SPOP: variants seen among roughly 807,000 people sequenced by gnomAD.
The protein encoded by SPOP is speckle type BTB/POZ protein, also known as speckle-type POZ protein.
Under a neutral mutation model 45.6 loss-of-function variants are expected in SPOP, and 11 were observed. That is an observed-to-expected ratio of 0.24 (90% CI 0.15 to 0.40). SPOP has a LOEUF of 0.40. SPOP is among the 10% of genes least tolerant of loss of function. SPOP has a pLI of 1.00. For synonymous variants in SPOP, 166 were observed against 166.3 expected (o/e 1.00, Z 0.01); for missense variants, 152 against 465.6 (o/e 0.33, Z 6.20).
chr17:49,602,219 A>C, intron 8 of SPOP: 1 of 503,828 alleles, frequency 2.0e-6, no homozygotes, highest in Non-Finnish European at 3.3e-6. Flanking sequence ...AGTAACTTGG[A>C]AAGCTGCCAT....
intron 1 of SPOP, among the ~76,000 whole-genome samples, chr17:49,656,790 A>G (rs1244193850): frequency 1.3e-5 from 2 of 152,170 alleles, no homozygotes; most frequent in Non-Finnish European, 1.5e-5. Context: ...GTTTTTCCCT[A>G]TTCCAAAATT....
rs1480189223 is a variant in SPOP at position 49,600,160 on chromosome 17, C to G, written c.*218G>C. The G allele has an allele frequency of 1.6e-6, 1 of 638,936 alleles. No homozygotes were observed. The highest frequency in any genetic ancestry group is 2.7e-6 in the Non-Finnish European group (1 of 371,216). The allele number at this position is 638,936 out of a possible 1,614,324, so 39.6% of individuals were successfully genotyped here. A position where few individuals can be genotyped will look rare whatever the true frequency, so the allele number is the denominator to read the frequency against. ...TCAAACTCAGCCAGGCCAAAGGGAA[C>G]ACAGTGACGCAGCAACAGGGTTTTC... On this transcript the variant is annotated 3_prime_UTR_variant, in exon 10 of 10. Transcript: ENST00000504102. The surrounding 1 kb of genome is among the most constrained non-coding windows in gnomAD (Gnocchi z 4.2).
intron 1 of SPOP, among the ~76,000 whole-genome samples, chr17:49,676,526 A>T (rs747584785): frequency 2.6e-5 from 4 of 152,234 alleles, no homozygotes; most frequent in Non-Finnish European, 5.9e-5. Flanking sequence ...AGAGAAGAAC[A>T]TCAAAGAATA....
chr17:49,659,939 T>C (rs139299495), intron 1 of SPOP, among the ~76,000 whole-genome samples: 142 of 152,312 alleles, frequency 9.3e-4, no homozygotes, highest in African/African-American at 3.3e-3. Context: ...TTCCTCTTCC[T>C]CAACCCCCAC....
intron 1 of SPOP, among the ~76,000 whole-genome samples, chr17:49,674,157 T>A (rs548775519): frequency 4.9e-4 from 74 of 151,978 alleles, no homozygotes; most frequent in South Asian, 1.9e-3. Flanking sequence ...CAAAAAAAAA[T>A]AAATAAATAA....
At chr17:49,603,951 T>C (rs1027551018) in intron 8 of SPOP, among the ~76,000 whole-genome samples, 1 of 152,200 alleles carries the variant, frequency 6.6e-6, no homozygotes, top group Non-Finnish European at 1.5e-5. Context: ...GTTTTCTGGC[T>C]AGGGAGCAAG....
chr17:49,635,665 T>C (rs1380129310), intron 1 of SPOP, among the ~76,000 whole-genome samples: 1 of 149,754 alleles, frequency 6.7e-6, no homozygotes, highest in Non-Finnish European at 1.5e-5. Context: ...GACGGAGTCT[T>C]GTTCTGTTGC....
intron 1 of SPOP, among the ~76,000 whole-genome samples, chr17:49,670,252 G>C (rs974955195): frequency 6.6e-6 from 1 of 152,140 alleles, no homozygotes; most frequent in Non-Finnish European, 1.5e-5. Flanking sequence ...TTCCTGTAAT[G>C]GGAGCTTTTC....
chr17:49,657,604 G>T (rs534973701), intron 1 of SPOP, among the ~76,000 whole-genome samples: 1 of 151,178 alleles, frequency 6.6e-6, no homozygotes, highest in Non-Finnish European at 1.5e-5. Flanking sequence ...TCACCATGTT[G>T]GCCAGGCTGG....
At chr17:49,618,705 C>G in intron 5 of SPOP, 1 of 488,442 alleles carries the variant, frequency 2.0e-6, no homozygotes. Context: ...AAAAATCCCA[C>G]AGTGAAAACT....
chr17:49,635,825 G>T (rs1041750198), intron 1 of SPOP, among the ~76,000 whole-genome samples: 2 of 151,544 alleles, frequency 1.3e-5, no homozygotes, highest in African/African-American at 4.9e-5. Context: ...GTAGAGATGG[G>T]GTTTCTCCAT....
intron 1 of SPOP, among the ~76,000 whole-genome samples, chr17:49,659,406 T>C (rs1427740871): frequency 6.6e-6 from 1 of 152,240 alleles, no homozygotes; most frequent in African/African-American, 2.4e-5. Flanking sequence ...TATCTGCTAA[T>C]GGACGGATCA....
chr17:49,628,877 G>A (rs1273401228), intron 1 of SPOP, among the ~76,000 whole-genome samples: 2 of 152,082 alleles, frequency 1.3e-5, no homozygotes, highest in Non-Finnish European at 2.9e-5. Flanking sequence ...TCCTTAAACA[G>A]AACCTGCAAC....
intron 8 of SPOP, among the ~76,000 whole-genome samples, chr17:49,606,129 A>G (rs2071839291): frequency 6.6e-6 from 1 of 152,060 alleles, no homozygotes; most frequent in Admixed American, 6.6e-5. Context: ...TAGTTGTTAT[A>G]CTATTTTGGT....
intron 1 of SPOP, among the ~76,000 whole-genome samples, chr17:49,671,364 A>G (rs2073133279): frequency 6.6e-6 from 1 of 151,728 alleles, no homozygotes; most frequent in Admixed American, 6.6e-5. Flanking sequence ...CACCAACCTC[A>G]TAATTTACTG....
chr17:49,623,886 TG>T (rs1009525095), intron 1 of SPOP, among the ~76,000 whole-genome samples: 3 of 152,182 alleles, frequency 2.0e-5, no homozygotes, highest in Non-Finnish European at 2.9e-5. Flanking sequence ...GTCAATTTTT[TG>T]TTTTTTCACC....
chr17:49,633,484 A>G (rs1017452602), intron 1 of SPOP, among the ~76,000 whole-genome samples: 2 of 152,312 alleles, frequency 1.3e-5, no homozygotes, highest in African/African-American at 4.8e-5. Context: ...CTCAAAGGTT[A>G]AAATATGGAA....
chr17:49,645,873 TTG>T (rs201736490), intron 1 of SPOP, among the ~76,000 whole-genome samples: 3 of 151,700 alleles, frequency 2.0e-5, no homozygotes, highest in Non-Finnish European at 2.9e-5. Context: ...CAACCTGTTG[TTG>T]TTTTTTTTTC....
chr17:49,623,002 G>T, intron 1 of SPOP, 126 bp from the exon 2 acceptor site: 1 of 534,926 alleles, frequency 1.9e-6, no homozygotes, highest in South Asian at 2.5e-5. Context: ...TACCACTGAG[G>T]TCCTAAAATT....
Sources: allele counts gnomAD v4.1 joint callset (sites outside exome capture counted in the v4.1 genomes callset), GRCh38; gene constraint gnomAD v4.1.1; non-coding constraint Gnocchi (gnomAD v3.1); transcripts MANE v1.5; gene names NCBI Gene and HGNC (gene_info 2026-07-23, HGNC 2026-07-21).